The following LRSAM1 variants were observed in gnomAD, a reference collection of about 807,000 sequenced individuals.
LRSAM1 encodes the protein leucine rich repeat and sterile alpha motif containing 1, also known as E3 ubiquitin-protein ligase LRSAM1.
Under a neutral mutation model 118.1 loss-of-function variants are expected in LRSAM1, and 96 were observed. The ratio of observed to expected loss-of-function variants is 0.81; its 90% CI spans 0.69 to 0.96. The LOEUF is 0.96. Among genes scored for constraint, LRSAM1 ranks in the 40% least tolerant of loss-of-function variants. The pLI is 0.00. For synonymous variants in LRSAM1, 322 were observed against 364.2 expected (o/e 0.88, Z 1.32); for missense variants, 804 against 915.5 (o/e 0.88, Z 1.57).
chr9:127,496,058 A>G lies in LRSAM1; in HGVS notation c.1793A>G (p.Asp598Gly). The change falls in exon 23 of 26, where the codon GAC (aspartate) becomes GGC (glycine). Residue 598 changes from aspartate (D) to glycine (G), a missense_variant. Asp to Gly is a moderately conservative substitution (Grantham distance 94). Coordinates refer to ENST00000300417, the MANE Select transcript of LRSAM1 (RefSeq NM_001005373.4). ...TTTGCGCACCACCGCCTCTCACTGG[A>G]CCTGCTGAGCCAAATGAGCCCAGGG... ...PIFAHHRLSL[D>G]LLSQMSPGDL... 6.2e-7 allele frequency: 1 copy of G among 1,611,888 alleles called. No homozygotes were observed. Among genetic ancestry groups the G allele is most frequent in the South Asian group, 1.1e-5 (1 of 91,058 alleles).
intron 10 of LRSAM1, chr9:127,470,895 G>A (rs2132039113): frequency 6.6e-6 from 1 of 152,194 alleles, no homozygotes. Context: ...AAGGCAGTGA[G>A]TTATCTCAAT....
intron 11 of LRSAM1, among the ~76,000 whole-genome samples, chr9:127,474,603 T>G (rs528316559): frequency 6.4e-4 from 97 of 152,338 alleles, no homozygotes; most frequent in African/African-American, 2.2e-3. Context: ...CTGTCTCCCC[T>G]GCTGGATGAA....
At chr9:127,469,925 A>G (rs1404435990) in intron 10 of LRSAM1, among the ~76,000 whole-genome samples, 1 of 152,212 alleles carries the variant, frequency 6.6e-6, no homozygotes, top group Non-Finnish European at 1.5e-5. Context: ...AGATTGCGCC[A>G]CTGCACTCCA....
In LRSAM1 at chr9:127,465,878, G is replaced by A. The variant is rs752817719; in HGVS notation, c.529-1862G>A. 2.0e-4 allele frequency among the ~76,000 whole-genome samples: 30 copies of A among 152,366 alleles called. No individual in the cohort carries two copies. Among genetic ancestry groups the A allele is most frequent in the South Asian group, 1.7e-3 (8 of 4,830 alleles). ...CTCACACCGTGGATGGGGCAGTTCT[G>A]TGGCTGTGAGCTGAGGCCCCTGCTT... On this transcript the variant is annotated intron_variant, in intron 9 of 25. Coordinates refer to ENST00000300417, the MANE Select transcript of LRSAM1 (RefSeq NM_001005373.4). This position sits in a 1 kb window ranked among gnomAD's most constrained non-coding sequence, Gnocchi z 4.1.
chr9:127,471,333 C>T (rs1234825599), intron 10 of LRSAM1, among the ~76,000 whole-genome samples: 1 of 151,742 alleles, frequency 6.6e-6, no homozygotes, highest in Non-Finnish European at 1.5e-5. Flanking sequence ...ATTAGCCCAG[C>T]TTGGTGGCAC....
chr9:127,492,654 G>T, intron 20 of LRSAM1, 148 bp from the exon 21 acceptor site: 1 of 725,024 alleles, frequency 1.4e-6, no homozygotes, highest in Non-Finnish European at 2.4e-6. Context: ...GGGCAGAAGG[G>T]CCTCTTAGCT....
At chr9:127,454,142 G>A (rs1033047726) in intron 2 of LRSAM1, 4 of 328,348 alleles carry the variant, frequency 1.2e-5, no homozygotes, top group South Asian at 4.9e-5. Context: ...CCCTGCCCCC[G>A]TGGAACTCAC....
chr9:127,484,881 T>A (rs1835673201), intron 16 of LRSAM1, among the ~76,000 whole-genome samples: 2 of 149,808 alleles, frequency 1.3e-5, no homozygotes, highest in Admixed American at 1.3e-4. Flanking sequence ...TGATCTCAGC[T>A]CACGCAACCT....
intron 7 of LRSAM1, among the ~76,000 whole-genome samples, chr9:127,459,582 T>C (rs1834659007): frequency 6.6e-6 from 1 of 150,580 alleles, no homozygotes; most frequent in Admixed American, 6.6e-5. Flanking sequence ...TGTATTTTTT[T>C]TTTCTCACTC....
chr9:127,469,392 C>A (rs1262056359), intron 10 of LRSAM1, among the ~76,000 whole-genome samples: 1 of 151,898 alleles, frequency 6.6e-6, no homozygotes, highest in Non-Finnish European at 1.5e-5. Context: ...ATCACTTGAA[C>A]CCGGGAGGCA....
intron 20 of LRSAM1, 105 bp downstream of exon 20, chr9:127,491,400 G>T: frequency 1.2e-6 from 1 of 858,022 alleles, no homozygotes; most frequent in East Asian, 2.6e-5. Flanking sequence ...GGAGTCAAGG[G>T]CTTCCCCAGC....
intron 20 of LRSAM1, among the ~76,000 whole-genome samples, chr9:127,491,605 G>A (rs1227066097): frequency 1.3e-5 from 2 of 152,228 alleles, no homozygotes; most frequent in Admixed American, 6.5e-5. Flanking sequence ...CGGGCCCGCC[G>A]CTGAGCTCCT....
chr9:127,463,592 T>A (rs188022366), intron 9 of LRSAM1, among the ~76,000 whole-genome samples: 143 of 152,282 alleles, frequency 9.4e-4, no homozygotes, highest in African/African-American at 3.3e-3. Flanking sequence ...ACCAGTCACA[T>A]TGGATTAGGG....
At chr9:127,502,648 C>G in intron 25 of LRSAM1, 126 bp from the exon 26 acceptor site, 1 of 1,208,674 alleles carries the variant, frequency 8.3e-7, no homozygotes, top group Non-Finnish European at 1.1e-6. Flanking sequence ...GATCCCACCA[C>G]TGCACTCCAG....
intron 20 of LRSAM1, among the ~76,000 whole-genome samples, chr9:127,491,996 C>G: frequency 6.6e-6 from 1 of 152,320 alleles, no homozygotes; most frequent in Non-Finnish European, 1.5e-5. Context: ...GCAGAGCCTT[C>G]GGTCTGTCAC....
chr9:127,479,043 G>T lies in LRSAM1; in HGVS notation c.780+80G>T, dbSNP rs61016254. 3.0e-3 allele frequency: 4,421 copies of T among 1,462,688 alleles called. 106 individuals are homozygous for T. The African/African-American group carries it at 0.054, about 18-fold the overall frequency. The allele number at this position is 1,462,688 out of a possible 1,614,324, so 90.6% of individuals were successfully genotyped here. ...CAACTCATAAAATATTTGAGAAAAT[G>T]ACTTCTTCCCAGCTCAGAATTAGAG... On this transcript the variant is annotated intron_variant, in intron 12 of 25. Coordinates refer to ENST00000300417, the MANE Select transcript of LRSAM1 (RefSeq NM_001005373.4).
intron 8 of LRSAM1, 140 bp from the exon 9 acceptor site, chr9:127,462,112 C>T: frequency 8.4e-7 from 1 of 1,195,392 alleles, no homozygotes; most frequent in East Asian, 2.5e-5. Context: ...ACTGGAACTC[C>T]ACCTTCTTGA....
Position 127,496,027 on chromosome 9 carries a change from C to T in LRSAM1, c.1762C>T (p.Pro588Ser). ...LEELSAEHYLPIFAHHRLSLD... is the reference protein window; with the variant it reads ...LEELSAEHYLSIFAHHRLSLD... The stretch of plus-strand genomic sequence containing the variant: ...GGAGCTGTCGGCTGAGCACTACCTG[C>T]CCATCTTTGCGCACCACCGCCTCTC... The change falls in exon 23 of 26, where the codon CCC (proline) becomes TCC (serine). Residue 588 changes from proline (P) to serine (S), a missense_variant. By Grantham distance (74) the Pro-to-Ser change is moderately conservative. Transcript: ENST00000300417. 2 of 1,612,536 alleles carry T rather than the reference C, an allele frequency of 1.2e-6. No homozygotes were observed. Among genetic ancestry groups the T allele is most frequent in the Admixed American group, 1.7e-5 (1 of 60,000 alleles).
At chr9:127,500,777 C>T (rs557093772) in intron 24 of LRSAM1, among the ~76,000 whole-genome samples, 1 of 152,308 alleles carries the variant, frequency 6.6e-6, no homozygotes, top group Admixed American at 6.5e-5. Context: ...ACAAGCGCTG[C>T]GGCCATCCCT....
Sources: gnomAD v4.1 joint callset for allele counts (sites outside exome capture counted in the v4.1 genomes callset) on GRCh38, gnomAD v4.1.1 for gene constraint, Gnocchi (gnomAD v3.1) non-coding constraint, MANE v1.5 for transcripts, NCBI Gene and HGNC (gene_info 2026-07-23, HGNC 2026-07-21) for gene names.